Variants in SLC41A1 observed in about 807,000 individuals in gnomAD.
SLC41A1 encodes solute carrier family 41 member 1.
SLC41A1 carries 20 observed loss-of-function variants against 47.3 expected under a neutral mutation model. The observed-to-expected ratio is 0.42, with a 90% CI of 0.30 to 0.61. The LOEUF is 0.61. Ranked by LOEUF, SLC41A1 falls within the 20% of genes least tolerant of loss-of-function variation. The pLI is 0.17. For synonymous variants in SLC41A1, 282 were observed against 272.7 expected (o/e 1.03, Z -0.34); for missense variants, 504 against 674.1 (o/e 0.75, Z 2.79).
chr1:205,807,650 C>CTTTTTTTTTTGCTCCTCGTAGAGTCT lies in SLC41A1; in HGVS notation c.372+2419_372+2420insAGACTCTACGAGGAGCAAAAAAAAAA, dbSNP rs1553257958. On this transcript the variant is annotated intron_variant, in intron 2 of 10. Transcript: ENST00000367137. ...AAAGAAAATAGGCTCCTCGTAGAGT[C>CTTTTTTTTTTGCTCCTCGTAGAGTCT]TTTTTTTTTTTTTTTTTTTTTTTGA... Among the ~76,000 whole-genome samples the CTTTTTTTTTTGCTCCTCGTAGAGTCT allele has an allele frequency of 3.9e-4, 38 of 98,516 alleles. 1 individual carries two copies. In the East Asian group the frequency reaches 0.012, roughly 31 times the overall value. The allele number at this position is 98,516 out of a possible 152,430, so 64.6% of individuals were successfully genotyped here. A position where few individuals can be genotyped will look rare whatever the true frequency, so the allele number is the denominator to read the frequency against.
intron 2 of SLC41A1, among the ~76,000 whole-genome samples, chr1:205,803,829 C>T (rs1288610931): frequency 6.6e-6 from 1 of 151,940 alleles, no homozygotes; most frequent in Non-Finnish European, 1.5e-5. Flanking sequence ...CTATATTGCC[C>T]AGGCTGGTCT....
Position 205,810,620 on chromosome 1 carries a change from G to T in SLC41A1, c.-179C>A. ...GCAAAAACTGATCCACCAACAGGCAGCCCCATCAAGCACTGAAGCCGCAAG... is the reference window on the plus strand; with the variant it reads ...GCAAAAACTGATCCACCAACAGGCATCCCCATCAAGCACTGAAGCCGCAAG... On this transcript the variant is annotated 5_prime_UTR_variant, in exon 2 of 11. The change creates a new upstream start codon in the 5' untranslated region. Transcript: ENST00000367137. This position sits in a 1 kb window ranked among gnomAD's most constrained non-coding sequence, Gnocchi z 5.5. 1 of 876,716 alleles carries T rather than the reference G, an allele frequency of 1.1e-6. No individual in the cohort carries two copies. Among genetic ancestry groups the T allele is most frequent in the Non-Finnish European group, 1.7e-6 (1 of 576,036 alleles). 54.3% of individuals were successfully genotyped at this position (876,716 alleles called of 1,614,324 possible).
chr1:205,793,806 T>A (rs1007439291), intron 10 of SLC41A1, among the ~76,000 whole-genome samples: 38 of 152,080 alleles, frequency 2.5e-4, no homozygotes, highest in Non-Finnish European at 4.4e-5. Flanking sequence ...GAAAAATATA[T>A]GTTTACTTTT....
At chr1:205,793,116 C>A (rs1199384543) in intron 10 of SLC41A1, among the ~76,000 whole-genome samples, 1 of 152,204 alleles carries the variant, frequency 6.6e-6, no homozygotes, top group Non-Finnish European at 1.5e-5. Flanking sequence ...GCAGAAGGGT[C>A]CCAAATAAAG....
At position 205,791,498 on chromosome 1, in the gene SLC41A1, G is replaced by C. The variant is rs1458404782; in HGVS notation, c.*35C>G. 6.2e-7 allele frequency: 1 copy of C among 1,613,714 alleles called. No individual in the cohort carries two copies. Among genetic ancestry groups the C allele is most frequent in the Non-Finnish European group, 8.5e-7 (1 of 1,179,720 alleles). On this transcript the variant is annotated 3_prime_UTR_variant, in exon 11 of 11. Transcript: ENST00000367137. The surrounding 1 kb of genome is among the most constrained non-coding windows in gnomAD (Gnocchi z 4.0). Reference sequence around the variant, plus strand: ...ACAAAAGAAAAATTTCAAATAGAAAGTGCAGAGGGATGGGGAAAATGTTGA... The same window carrying C: ...ACAAAAGAAAAATTTCAAATAGAAACTGCAGAGGGATGGGGAAAATGTTGA...
intron 2 of SLC41A1, among the ~76,000 whole-genome samples, chr1:205,805,334 G>C (rs1314545856): frequency 6.6e-6 from 1 of 152,220 alleles, no homozygotes; most frequent in Non-Finnish European, 1.5e-5. Context: ...TAGGACTCTG[G>C]AAAGAGATGC....
rs1023137513 is a variant in SLC41A1 at position 205,810,745 on chromosome 1, T to C, written c.-304A>G. ...GTGCTTGAAGAAAAAGTATCTGTCC[T>C]CTTATCTTCTTTGGTTCTCAGTGGC... On this transcript the variant is annotated 5_prime_UTR_variant, in exon 2 of 11. Coordinates refer to ENST00000367137, the MANE Select transcript of SLC41A1 (RefSeq NM_173854.6). The surrounding 1 kb of genome is among the most constrained non-coding windows in gnomAD (Gnocchi z 5.5). 2.3e-6 allele frequency: 1 copy of C among 438,548 alleles called. No homozygotes were observed. The highest frequency in any genetic ancestry group is 4.2e-6 in the Non-Finnish European group (1 of 236,564). The allele number at this position is 438,548 out of a possible 1,614,324, so 27.2% of individuals were successfully genotyped here.
chr1:205,812,267 A>G (rs1262170988), intron 1 of SLC41A1, among the ~76,000 whole-genome samples: 1 of 152,232 alleles, frequency 6.6e-6, no homozygotes, highest in Non-Finnish European at 1.5e-5. Context: ...CAGTTTAGGA[A>G]AGGAGGTATC....
intron 8 of SLC41A1, chr1:205,796,670 T>G (rs760689864): frequency 3.4e-5 from 19 of 566,254 alleles, no homozygotes; most frequent in Non-Finnish European, 5.4e-5. Context: ...TGGACTATGA[T>G]ACTCCCCTTG....
At chr1:205,812,783 C>T (rs1656189284) in intron 1 of SLC41A1, 25 bp downstream of exon 1, 19 of 985,558 alleles carry the variant, frequency 1.9e-5, no homozygotes, top group South Asian at 4.7e-5. Flanking sequence ...ACCCCCTCCC[C>T]GCCCCAGGAC....
At chr1:205,802,407 C>T (rs1655901895) in intron 2 of SLC41A1, among the ~76,000 whole-genome samples, 1 of 152,128 alleles carries the variant, frequency 6.6e-6, no homozygotes, top group African/African-American at 2.4e-5. Context: ...ATTCCAACAC[C>T]CACACTCTGT....
intron 2 of SLC41A1, among the ~76,000 whole-genome samples, chr1:205,803,873 G>A (rs1322987978): frequency 6.6e-6 from 1 of 151,920 alleles, no homozygotes; most frequent in African/African-American, 2.4e-5. Context: ...CTCTCGCCTC[G>A]ACCTCCCAAA....
At position 205,809,155 on chromosome 1, in the gene SLC41A1, A is replaced by G. The variant is rs185331890; in HGVS notation, c.372+915T>C. Among the ~76,000 whole-genome samples, 133 of 152,342 alleles carry G rather than the reference A, an allele frequency of 8.7e-4. 1 individual carries two copies. The highest frequency in any genetic ancestry group is 3.0e-3 in the African/African-American group (126 of 41,582). On this transcript the variant is annotated intron_variant, in intron 2 of 10. Coordinates refer to ENST00000367137, the MANE Select transcript of SLC41A1 (RefSeq NM_173854.6). ...GCTGAATTACTTAGGTAAACCCAGC[A>G]CCTTCAAAAAGTTTGGTGTGCCACA...
chr1:205,800,498 G>T (rs956965257), intron 3 of SLC41A1, among the ~76,000 whole-genome samples: 1 of 152,222 alleles, frequency 6.6e-6, no homozygotes, highest in Non-Finnish European at 1.5e-5. Context: ...TTAAAGAAGA[G>T]CAAGCTGCCA....
intron 2 of SLC41A1, among the ~76,000 whole-genome samples, chr1:205,803,821 A>C (rs1029234756): frequency 6.6e-6 from 1 of 151,858 alleles, no homozygotes; most frequent in Non-Finnish European, 1.5e-5. Context: ...GGGTTTCACT[A>C]TATTGCCCAG....
rs767603343 is a variant in SLC41A1, at chr1:205,799,719, G to A, written c.552+40C>T. 9 of 1,605,412 alleles carry A rather than the reference G, an allele frequency of 5.6e-6. No homozygotes were observed. In the Admixed American group the frequency reaches 1.2e-4, roughly 21 times the overall value. On this transcript the variant is annotated intron_variant, in intron 4 of 10. Transcript: ENST00000367137. ...AGCCTTTCAGAGATTCCTGACTAAGGGGAAGCTTAGCCCACCCTCTCTGGT... is the reference window on the plus strand; with the variant it reads ...AGCCTTTCAGAGATTCCTGACTAAGAGGAAGCTTAGCCCACCCTCTCTGGT...
intron 2 of SLC41A1, among the ~76,000 whole-genome samples, chr1:205,806,771 G>A (rs1265005176): frequency 6.6e-6 from 1 of 152,220 alleles, no homozygotes; most frequent in Non-Finnish European, 1.5e-5. Flanking sequence ...AGATGCTGCT[G>A]TGCACATTTA....
Position 205,791,791 on chromosome 1 carries a change from C to T in SLC41A1, c.1357-73G>A. On this transcript the variant is annotated intron_variant, in intron 10 of 10. Transcript: ENST00000367137. This position sits in a 1 kb window ranked among gnomAD's most constrained non-coding sequence, Gnocchi z 4.0. ...GGGAGCCAGAGGCCACATGATCAGA[C>T]CCATTCAGTGCATCACAGGGCTTGG... The T allele has an allele frequency of 1.3e-6, 2 of 1,565,380 alleles. No individual in the cohort carries two copies. The highest frequency in any genetic ancestry group is 1.7e-6 in the Non-Finnish European group (2 of 1,148,300).
intron 2 of SLC41A1, among the ~76,000 whole-genome samples, chr1:205,802,581 G>A (rs1237626472): frequency 2.0e-5 from 3 of 151,962 alleles, no homozygotes; most frequent in Non-Finnish European, 2.9e-5. Context: ...GCTGGTCGTG[G>A]TGGCACATGC....
Sources: allele counts gnomAD v4.1 joint callset (sites outside exome capture counted in the v4.1 genomes callset), GRCh38; gene constraint gnomAD v4.1.1; non-coding constraint Gnocchi (gnomAD v3.1); transcripts MANE v1.5; gene names NCBI Gene and HGNC (gene_info 2026-07-23, HGNC 2026-07-21).